The following SLC34A2 variants were observed in gnomAD, a reference collection of about 807,000 sequenced individuals.
SLC34A2 encodes the protein sodium-dependent phosphate transport protein 2B.
Under a neutral mutation model 50.8 loss-of-function variants are expected in SLC34A2, and 41 were observed. The observed-to-expected ratio is 0.81, with a 90% CI of 0.63 to 1.05. The LOEUF (loss-of-function observed/expected upper bound fraction) is 1.05. Ranked by LOEUF, SLC34A2 falls within the 50% of genes least tolerant of loss-of-function variation. The pLI is 0.00. For synonymous variants in SLC34A2, 401 were observed against 364.2 expected (o/e 1.10, Z -1.15); for missense variants, 879 against 876.7 (o/e 1.00, Z -0.03).
In SLC34A2 at chr4:25,669,838, TC is replaced by T; in HGVS notation, c.829del (p.Gln277SerfsTer12). ...ACTAAGCCCTTCACAAAGCTCATTG[TC>T]CAGGTAACTTAGCTCCTTCAGAGAG... The part of the protein sequence containing the change: ...VITKPFTKLI[V>X]QLDKKVISQI... On this transcript the variant is annotated frameshift_variant, in exon 7 of 13. Transcript: ENST00000382051. LOFTEE classifies it high-confidence loss of function. 1 of 1,614,000 alleles carries T rather than the reference TC, an allele frequency of 6.2e-7. No homozygotes were observed. The highest frequency in any genetic ancestry group is 8.5e-7 in the Non-Finnish European group (1 of 1,179,842).
chr4:25,659,050 C>A (rs1277335252), intron 1 of SLC34A2, among the ~76,000 whole-genome samples: 1 of 151,970 alleles, frequency 6.6e-6, no homozygotes, highest in Admixed American at 6.6e-5. Flanking sequence ...ACACTCAGAG[C>A]CCTCAATGTG....
At chr4:25,664,178 TC>T (rs774277439) in intron 3 of SLC34A2, 23 bp from the exon 4 acceptor site, 27 of 1,607,158 alleles carry the variant, frequency 1.7e-5, no homozygotes, top group Non-Finnish European at 2.3e-5. Flanking sequence ...TTTCTCTCTC[TC>T]CCCCCATCCC....
Position 25,662,313 on chromosome 4 carries a change from A to T in SLC34A2, c.-3-185A>T, listed in dbSNP as rs1280267018. ...GTGTTTGAAGGGGAACCACAGAGGA[A>T]ATATGGTGCTTAATATGCCACACTT... On this transcript the variant is annotated intron_variant, in intron 1 of 12. Coordinates refer to ENST00000382051, the MANE Select transcript of SLC34A2 (RefSeq NM_006424.3). Among the ~76,000 whole-genome samples the T allele has an allele frequency of 1.3e-5, 2 of 152,220 alleles. 1 individual carries two copies. Among genetic ancestry groups the T allele is most frequent in the East Asian group, 3.8e-4 (2 of 5,200 alleles).
intron 1 of SLC34A2, among the ~76,000 whole-genome samples, chr4:25,659,098 G>A (rs1714046827): frequency 6.6e-6 from 1 of 151,986 alleles, no homozygotes; most frequent in South Asian, 2.1e-4. Flanking sequence ...GGTGCTTTGA[G>A]GGCTGGAGAA....
At position 25,662,513 on chromosome 4, in the gene SLC34A2, C is replaced by G; in HGVS notation, c.13C>G (p.Pro5Ala). 6.2e-7 allele frequency: 1 copy of G among 1,613,998 alleles called. No homozygotes were observed. The highest frequency in any genetic ancestry group is 1.3e-5 in the African/African-American group (1 of 75,014). Residue 5 changes from proline to alanine, a missense_variant, in exon 2 of 13, where the codon CCT becomes GCT. Coordinates refer to ENST00000382051, the MANE Select transcript of SLC34A2 (RefSeq NM_006424.3). MAPW[P>A]ELGDAQPNPD... ...TCATCCACAGACCATGGCTCCCTGGCCTGAATTGGGAGATGCCCAGCCCAA... is the reference window on the plus strand; with the variant it reads ...TCATCCACAGACCATGGCTCCCTGGGCTGAATTGGGAGATGCCCAGCCCAA...
At position 25,674,400 on chromosome 4, in the gene SLC34A2, A is replaced by AC; in HGVS notation, c.1327dup (p.Leu443ProfsTer10). ...CAGCTCTGTGTTCACGTCGGCCTTG[A>AC]CCCCCCTGATTGGTGAGTTACACCC... On this transcript the variant is annotated frameshift_variant, in exon 11 of 13. Transcript: ENST00000382051. LOFTEE classifies it high-confidence loss of function. The AC allele has an allele frequency of 1.2e-6, 2 of 1,613,044 alleles. No individual in the cohort carries two copies. The highest frequency in any genetic ancestry group is 8.5e-7 in the Non-Finnish European group (1 of 1,179,744).
intron 1 of SLC34A2, among the ~76,000 whole-genome samples, chr4:25,658,771 C>T (rs1714019259): frequency 1.3e-5 from 2 of 152,174 alleles, no homozygotes; most frequent in African/African-American, 4.8e-5. Context: ...CAAGAATGTG[C>T]TGGAGTGAGG....
rs952065250 is a variant in SLC34A2 at position 25,663,966 on chromosome 4, G to A, written c.251-236G>A. Among the ~76,000 whole-genome samples the A allele has an allele frequency of 7.2e-5, 11 of 152,292 alleles. 1 individual carries two copies. Among genetic ancestry groups the A allele is most frequent in the Admixed American group, 2.0e-4 (3 of 15,302 alleles). On this transcript the variant is annotated intron_variant, in intron 3 of 12. Transcript: ENST00000382051. ...CCTCCTCCCAAACGCAAATCCTTTAGAGGCACTTTACCAGGGGTTTCAGCT... is the reference window on the plus strand; with the variant it reads ...CCTCCTCCCAAACGCAAATCCTTTAAAGGCACTTTACCAGGGGTTTCAGCT...
In SLC34A2 at chr4:25,662,967, A is replaced by G. The variant is rs142861541; in HGVS notation, c.250+125A>G. ...CTTGAAGCAAGGGTCCTGGCTAGGG[A>G]TGTCACCCTCTCATCTTTTTTTTTT... On this transcript the variant is annotated intron_variant, in intron 3 of 12. Coordinates refer to ENST00000382051, the MANE Select transcript of SLC34A2 (RefSeq NM_006424.3). 2.5e-4 allele frequency: 280 copies of G among 1,110,534 alleles called. No individual in the cohort carries two copies. In the African/African-American group the frequency reaches 4.1e-3, roughly 16 times the overall value. The allele number at this position is 1,110,534 out of a possible 1,614,324, so 68.8% of individuals were successfully genotyped here.
chr4:25,667,966 G>A lies in SLC34A2; in HGVS notation c.610G>A (p.Val204Met). 1 of 1,613,228 alleles carries A rather than the reference G, an allele frequency of 6.2e-7. No homozygotes were observed. The highest frequency in any genetic ancestry group is 1.1e-5 in the South Asian group (1 of 91,034). ...CAACACTATTGTTGCGCTCATGCAGGTGGGAGATCGGAGTGAGTTCAGAAG... is the reference window on the plus strand; with the variant it reads ...CAACACTATTGTTGCGCTCATGCAGATGGGAGATCGGAGTGAGTTCAGAAG... Reference protein sequence around the residue: ...ITNTIVALMQVGDRSEFRRAF... With the variant: ...ITNTIVALMQMGDRSEFRRAF... The change falls in exon 6 of 13, where the codon GTG becomes ATG. Residue 204 changes from valine (V) to methionine (M), a missense_variant. By Grantham distance (21) the Val-to-Met change is conservative. Coordinates refer to ENST00000382051, the MANE Select transcript of SLC34A2 (RefSeq NM_006424.3).
Position 25,673,797 on chromosome 4 carries a change from C to T in SLC34A2, c.1217-499C>T, listed in dbSNP as rs117298542. Among the ~76,000 whole-genome samples, 306 of 152,254 alleles carry T rather than the reference C, an allele frequency of 2.0e-3. 4 individuals are homozygous for T. In the East Asian group the frequency reaches 0.051, roughly 25 times the overall value. On this transcript the variant is annotated intron_variant, in intron 10 of 12. Transcript: ENST00000382051. ...ATAGCCAAGAAAATTCGCCCCCCAC[C>T]CCAGATTGTCTTGGGGAACAGAGCA... is the stretch of plus-strand genomic sequence containing the variant.
chr4:25,667,553 C>T (rs888028614), intron 5 of SLC34A2, among the ~76,000 whole-genome samples: 1 of 152,130 alleles, frequency 6.6e-6, no homozygotes, highest in African/African-American at 2.4e-5. Context: ...ACTGATGCTT[C>T]CTTAAAGGCG....
chr4:25,661,085 A>G (rs1272173230), intron 1 of SLC34A2, among the ~76,000 whole-genome samples: 5 of 152,248 alleles, frequency 3.3e-5, no homozygotes, highest in African/African-American at 1.2e-4. Flanking sequence ...TGTGGTTCTA[A>G]CAAAGGATGA....
chr4:25,660,149 A>G (rs1388107526), intron 1 of SLC34A2, among the ~76,000 whole-genome samples: 1 of 152,250 alleles, frequency 6.6e-6, no homozygotes, highest in Admixed American at 6.5e-5. Context: ...TCTATCATAA[A>G]TATGCCCGGC....
chr4:25,660,841 G>A (rs375783648), intron 1 of SLC34A2, among the ~76,000 whole-genome samples: 5 of 152,208 alleles, frequency 3.3e-5, no homozygotes, highest in South Asian at 4.2e-4. Context: ...CACTGTGCCC[G>A]GCCTGGATTG....
At chr4:25,666,041 G>A (rs1253039527) in intron 4 of SLC34A2, 87 bp from the exon 5 acceptor site, 1 of 1,556,842 alleles carries the variant, frequency 6.4e-7, no homozygotes, top group Admixed American at 1.7e-5. Context: ...AGCTGGCCTT[G>A]GATGGAGACT....
intron 12 of SLC34A2, 129 bp from the exon 13 acceptor site, chr4:25,676,006 C>T (rs531201682): frequency 2.1e-6 from 3 of 1,463,362 alleles, no homozygotes; most frequent in South Asian, 1.2e-5. Flanking sequence ...GCCATAAGGA[C>T]AAAGAAGGCC....
At chr4:25,666,312 C>T in intron 5 of SLC34A2, 41 bp downstream of exon 5, 1 of 1,609,540 alleles carries the variant, frequency 6.2e-7, no homozygotes. Context: ...ATTCCAGACA[C>T]TCTCCTGTCT....
chr4:25,658,858 C>T (rs1302805803), intron 1 of SLC34A2, among the ~76,000 whole-genome samples: 1 of 151,986 alleles, frequency 6.6e-6, no homozygotes, highest in Admixed American at 6.6e-5. Flanking sequence ...TAGAGGGGCT[C>T]AGAGCTCCAG....
Sources: gnomAD v4.1 joint callset for allele counts (sites outside exome capture counted in the v4.1 genomes callset) on GRCh38, gnomAD v4.1.1 for gene constraint, MANE v1.5 for transcripts, NCBI Gene and HGNC (gene_info 2026-07-23, HGNC 2026-07-21) for gene names.